SETD3: variants seen among roughly 807,000 people sequenced by gnomAD.
SETD3 encodes the protein actin-histidine N-methyltransferase.
A neutral mutation model predicts 63.0 loss-of-function variants in SETD3; 19 were observed. That is an observed-to-expected ratio of 0.30 (90% CI 0.21 to 0.44). SETD3 has a LOEUF of 0.44. SETD3 is among the 20% of genes least tolerant of loss of function. SETD3 has a pLI of 1.00. For synonymous variants in SETD3, 286 were observed against 264.1 expected (o/e 1.08, Z -0.80); for missense variants, 587 against 728.5 (o/e 0.81, Z 2.24).
upstream of SETD3, among the ~76,000 whole-genome samples, chr14:99,484,908 G>A (rs1896446732): frequency 6.6e-6 from 1 of 152,184 alleles, no homozygotes; most frequent in Non-Finnish European, 1.5e-5. Flanking sequence ...TTCCTGAAAG[G>A]TGCTGCTAAA....
intron 6 of SETD3, among the ~76,000 whole-genome samples, chr14:99,431,355 C>T (rs1893167532): frequency 6.6e-6 from 1 of 152,220 alleles, no homozygotes. Flanking sequence ...TTGTGATTTA[C>T]AGGCAGAGCT....
intron 6 of SETD3, among the ~76,000 whole-genome samples, chr14:99,414,724 CAATT>C (rs1409312214): frequency 1.3e-5 from 2 of 152,172 alleles, no homozygotes; most frequent in East Asian, 1.9e-4. Context: ...AACTTTGTCT[CAATT>C]AAGAAATTAA....
At chr14:99,405,099 G>A (rs1259943134) in intron 10 of SETD3, 106 bp downstream of exon 10, 8 of 1,446,972 alleles carry the variant, frequency 5.5e-6, no homozygotes, top group Non-Finnish European at 7.4e-6. Flanking sequence ...AACGGATTAA[G>A]ACAAACTACT....
chr14:99,439,744 AAATG>A (rs905225257), intron 6 of SETD3, among the ~76,000 whole-genome samples: 14 of 148,714 alleles, frequency 9.4e-5, no homozygotes, highest in African/African-American at 3.4e-4. Flanking sequence ...TTATACATAT[AAATG>A]TATGTATTTA....
At chr14:99,407,916 A>AC (rs1371471591) in intron 8 of SETD3, among the ~76,000 whole-genome samples, 1 of 151,974 alleles carries the variant, frequency 6.6e-6, no homozygotes, top group East Asian at 1.9e-4. Context: ...TGATGCATGA[A>AC]CCCGCAGGGG....
intron 1 of SETD3, among the ~76,000 whole-genome samples, chr14:99,480,203 G>A (rs1017953070): frequency 1.3e-5 from 2 of 152,170 alleles, no homozygotes; most frequent in Non-Finnish European, 1.5e-5. Flanking sequence ...CTCGCAGAGA[G>A]GAACATAAAA....
intron 6 of SETD3, among the ~76,000 whole-genome samples, chr14:99,431,589 T>A (rs1473708222): frequency 6.6e-6 from 1 of 152,022 alleles, no homozygotes; most frequent in East Asian, 1.9e-4. Flanking sequence ...CTTCCCGGGT[T>A]CAAGCGATTC....
chr14:99,425,635 G>A (rs187130189), intron 6 of SETD3, among the ~76,000 whole-genome samples: 31 of 152,344 alleles, frequency 2.0e-4, no homozygotes, highest in African/African-American at 7.5e-4. Context: ...GCAAGGCACT[G>A]GCAGATGCCT....
intron 2 of SETD3, among the ~76,000 whole-genome samples, chr14:99,464,723 T>C (rs990000253): frequency 1.3e-5 from 2 of 152,248 alleles, no homozygotes; most frequent in Admixed American, 6.5e-5. Context: ...AAGGCACTAA[T>C]TGCACCAATT....
At chr14:99,442,941 C>T (rs745423646) in intron 6 of SETD3, among the ~76,000 whole-genome samples, 8 of 152,180 alleles carry the variant, frequency 5.3e-5, no homozygotes, top group Non-Finnish European at 1.2e-4. Context: ...GCCCAAAGAA[C>T]GACCACCAAC....
intron 2 of SETD3, among the ~76,000 whole-genome samples, chr14:99,465,442 A>T (rs1165229706): frequency 6.6e-6 from 1 of 152,250 alleles, no homozygotes; most frequent in Non-Finnish European, 1.5e-5. Context: ...AGGGAAGACC[A>T]TGTTCCAGGT....
intron 4 of SETD3, among the ~76,000 whole-genome samples, chr14:99,460,858 C>T (rs1292237347): frequency 3.9e-5 from 6 of 152,196 alleles, no homozygotes; most frequent in Admixed American, 6.5e-5. Context: ...CCACTCACCT[C>T]CAGTAAGTTA....
At chr14:99,404,184 A>C (rs777945571) in intron 11 of SETD3, 41 bp downstream of exon 11, 2 of 1,540,642 alleles carry the variant, frequency 1.3e-6, no homozygotes, top group African/African-American at 2.7e-5. Flanking sequence ...ATGATTTAAA[A>C]AGAAAAAAGT....
Position 99,471,275 on chromosome 14 carries a change from C to T in SETD3, c.-8-5462G>A, listed in dbSNP as rs184964147. On this transcript the variant is annotated intron_variant, in intron 1 of 12. Transcript: ENST00000331768. Reference sequence around the variant, plus strand: ...AGTATATTTGAATATATTGGTGTTACCAATTTTCACATTGCTCCCAACAGT... The same window carrying T: ...AGTATATTTGAATATATTGGTGTTATCAATTTTCACATTGCTCCCAACAGT... Among the ~76,000 whole-genome samples the T allele has an allele frequency of 4.5e-3, 686 of 152,274 alleles. 5 individuals carry two copies. Among genetic ancestry groups the T allele is most frequent in the Non-Finnish European group, 6.9e-3 (470 of 68,032 alleles).
At chr14:99,406,788 T>C (rs1003283596) in intron 8 of SETD3, among the ~76,000 whole-genome samples, 198 bp from the exon 9 acceptor site, 1 of 152,246 alleles carries the variant, frequency 6.6e-6, no homozygotes, top group Non-Finnish European at 1.5e-5. Context: ...GAGATGATTA[T>C]GGAAAATTAC....
In SETD3 at chr14:99,424,101, A is replaced by G. The variant is rs113963084; in HGVS notation, c.676-10167T>C. ...ATCTTTTAAGCACTACCTAGAAAAC[A>G]GGTAATTATTAAATTGTCCACCTGG... On this transcript the variant is annotated intron_variant, in intron 6 of 12. Coordinates refer to ENST00000331768, the MANE Select transcript of SETD3 (RefSeq NM_032233.3). 1.6e-4 allele frequency among the ~76,000 whole-genome samples: 24 copies of G among 152,324 alleles called. 1 individual carries two copies. The highest frequency in any genetic ancestry group is 5.8e-4 in the African/African-American group (24 of 41,574).
intron 1 of SETD3, among the ~76,000 whole-genome samples, chr14:99,479,616 T>C (rs1465998299): frequency 6.6e-6 from 1 of 152,158 alleles, no homozygotes; most frequent in Non-Finnish European, 1.5e-5. Flanking sequence ...AGAGGTATAT[T>C]TTACATAAGA....
upstream of SETD3, among the ~76,000 whole-genome samples, chr14:99,484,789 G>A (rs1020660916): frequency 2.0e-5 from 3 of 152,224 alleles, no homozygotes; most frequent in African/African-American, 7.2e-5. Context: ...AGGGGATTTC[G>A]ATATTGGGTG....
chr14:99,447,123 C>A lies in SETD3; in HGVS notation c.675+11156G>T. ...AGTATCTGGGACTACAGGCGCACGCCACCACGCCCAGCTAATTTGTGTATT... is the reference window on the plus strand; with the variant it reads ...AGTATCTGGGACTACAGGCGCACGCAACCACGCCCAGCTAATTTGTGTATT... On this transcript the variant is annotated intron_variant, in intron 6 of 12. Coordinates refer to ENST00000331768, the MANE Select transcript of SETD3 (RefSeq NM_032233.3). 1.3e-5 allele frequency among the ~76,000 whole-genome samples: 2 copies of A among 152,140 alleles called. 1 individual carries two copies. Among genetic ancestry groups the A allele is most frequent in the Non-Finnish European group, 2.9e-5 (2 of 68,022 alleles).
Sources: gnomAD v4.1 joint callset for allele counts (sites outside exome capture counted in the v4.1 genomes callset) on GRCh38, gnomAD v4.1.1 for gene constraint, MANE v1.5 for transcripts, NCBI Gene and HGNC (gene_info 2026-07-23, HGNC 2026-07-21) for gene names.